The following FGGY variants were observed in gnomAD, a reference collection of about 807,000 sequenced individuals.
FGGY encodes FGGY carbohydrate kinase domain containing, also known as FGGY carbohydrate kinase domain-containing protein.
Under a neutral mutation model 71.3 loss-of-function variants are expected in FGGY, and 72 were observed. The ratio of observed to expected loss-of-function variants is 1.01; its 90% CI spans 0.84 to 1.23. The LOEUF (loss-of-function observed/expected upper bound fraction) is 1.23. Among genes scored for constraint, FGGY ranks in the 50% most tolerant of loss-of-function variants. The pLI, the probability that FGGY is intolerant of heterozygous loss-of-function variation, is 0.00. For missense variants in FGGY, 668 were observed against 682.3 expected (o/e 0.98, Z 0.23); for synonymous variants, 251 against 250.3 (o/e 1.00, Z -0.02).
At chr1:59,513,745 A>T (rs1209065908) in intron 7 of FGGY, among the ~76,000 whole-genome samples, 1 of 152,216 alleles carries the variant, frequency 6.6e-6, no homozygotes, top group Non-Finnish European at 1.5e-5. Context: ...TATTAAGTTT[A>T]TTAAATGAAT....
At chr1:59,517,756 G>T (rs2094704857) in intron 7 of FGGY, among the ~76,000 whole-genome samples, 2 of 151,472 alleles carry the variant, frequency 1.3e-5, no homozygotes, top group Non-Finnish European at 3.0e-5. Flanking sequence ...CCTGCAGAGT[G>T]CTTTACATAT....
chr1:59,689,069 T>C (rs1339398314), intron 14 of FGGY, among the ~76,000 whole-genome samples: 2 of 151,860 alleles, frequency 1.3e-5, no homozygotes, highest in African/African-American at 2.4e-5. Context: ...TTTTAAAAGG[T>C]TGGGGAGAAA....
At chr1:59,351,063 G>A (rs1050348473) in intron 4 of FGGY, among the ~76,000 whole-genome samples, 1 of 152,186 alleles carries the variant, frequency 6.6e-6, no homozygotes, top group Admixed American at 6.5e-5. Flanking sequence ...GAATCAAAAG[G>A]ATGATATTTT....
intron 5 of FGGY, among the ~76,000 whole-genome samples, chr1:59,434,549 T>TA (rs1557910674): frequency 1.3e-5 from 2 of 152,244 alleles, no homozygotes; most frequent in East Asian, 3.9e-4. Context: ...GGGCTGCTAT[T>TA]AAAAAATGCC....
At chr1:59,480,419 G>C (rs961605102) in intron 6 of FGGY, among the ~76,000 whole-genome samples, 1 of 152,140 alleles carries the variant, frequency 6.6e-6, no homozygotes. Flanking sequence ...CAAGGACAAA[G>C]GGCAAAAGTA....
Position 59,512,310 on chromosome 1 carries a change from G to T in FGGY, c.671-1G>T. On this transcript the variant is annotated splice_acceptor_variant, in intron 6 of 15. Coordinates refer to ENST00000303721, the MANE Select transcript of FGGY (RefSeq NM_018291.5). LOFTEE classifies it high-confidence loss of function. ...GTTTGTTTTTTCTCATGTCTACCCAGGAAACCAAGTGCTACCTCCTGGAGC... is the reference window on the plus strand; with the variant it reads ...GTTTGTTTTTTCTCATGTCTACCCATGAAACCAAGTGCTACCTCCTGGAGC... The T allele has an allele frequency of 6.2e-7, 1 of 1,605,226 alleles. No individual in the cohort carries two copies. Among genetic ancestry groups the T allele is most frequent in the South Asian group, 1.1e-5 (1 of 89,812 alleles).
At chr1:59,417,386 G>C (rs2064653666) in intron 5 of FGGY, among the ~76,000 whole-genome samples, 1 of 152,290 alleles carries the variant, frequency 6.6e-6, no homozygotes, top group South Asian at 2.1e-4. Flanking sequence ...TAATGCTGCT[G>C]TGAACACTGA....
chr1:59,727,007 C>T (rs759926372), intron 14 of FGGY, among the ~76,000 whole-genome samples: 10 of 152,062 alleles, frequency 6.6e-5, no homozygotes, highest in Admixed American at 2.0e-4. Context: ...GAGCATAGTA[C>T]ACAATAGGTA....
In FGGY at chr1:59,539,691, A is replaced by G. The variant is rs556127390; in HGVS notation, c.800-14433A>G. On this transcript the variant is annotated intron_variant, in intron 7 of 15. Coordinates refer to ENST00000303721, the MANE Select transcript of FGGY (RefSeq NM_018291.5). ...GGTCTTCATGACTTTGAGATAGACA[A>G]TTTTCCTAAATAGGACATTAATGTA... 6.6e-5 allele frequency among the ~76,000 whole-genome samples: 10 copies of G among 152,324 alleles called. No individual in the cohort carries two copies. In the South Asian group the frequency reaches 1.0e-3, roughly 16 times the overall value.
At chr1:59,615,139 G>GA (rs1334630336) in intron 9 of FGGY, among the ~76,000 whole-genome samples, 1 of 152,038 alleles carries the variant, frequency 6.6e-6, no homozygotes, top group Non-Finnish European at 1.5e-5. Context: ...CACAGAATTG[G>GA]AAAAAACTAC....
Position 59,454,727 on chromosome 1 carries a change from T to A in FGGY, c.555-2234T>A, listed in dbSNP as rs541077952. On this transcript the variant is annotated intron_variant, in intron 5 of 15. Coordinates refer to ENST00000303721, the MANE Select transcript of FGGY (RefSeq NM_018291.5). ...TTCCTTCAGAGTATTCATGGCTGTTTGTTAGTATATGATTTTAGTTGTGAT... is the reference window on the plus strand; with the variant it reads ...TTCCTTCAGAGTATTCATGGCTGTTAGTTAGTATATGATTTTAGTTGTGAT... Among the ~76,000 whole-genome samples the A allele has an allele frequency of 5.3e-5, 8 of 152,340 alleles. No individual in the cohort carries two copies. In the East Asian group the frequency reaches 1.3e-3, roughly 26 times the overall value.
intron 8 of FGGY, among the ~76,000 whole-genome samples, chr1:59,599,113 T>C (rs2153806478): frequency 6.6e-6 from 1 of 152,220 alleles, no homozygotes; most frequent in Non-Finnish European, 1.5e-5. Flanking sequence ...TGTTTGTTTG[T>C]TTGTTTTTGA....
Position 59,503,594 on chromosome 1 carries a change from C to CATATATATATAT in FGGY, c.671-8703_671-8692dup, listed in dbSNP as rs71046332. Among the ~76,000 whole-genome samples the CATATATATATAT allele has an allele frequency of 6.8e-3, 871 of 127,574 alleles. 10 individuals are homozygous for CATATATATATAT. Among genetic ancestry groups the CATATATATATAT allele is most frequent in the African/African-American group, 0.025 (794 of 31,854 alleles). 83.7% of individuals were successfully genotyped at this position (127,574 alleles called of 152,430 possible). On this transcript the variant is annotated intron_variant, in intron 6 of 15. Transcript: ENST00000303721. ...TACGCATTGGCTTTTGTGGTGTCGC[C>CATATATATATAT]ATATATATATATATATATATATATA... is the stretch of plus-strand genomic sequence containing the variant.
In FGGY at chr1:59,605,928, C is replaced by T. The variant is rs1001979085; in HGVS notation, c.904-1875C>T. ...CCCAGCCTCAAGACCTGCTGGAATACAACTTGTATGCCTAACTCCCTTTTC... is the reference window on the plus strand; with the variant it reads ...CCCAGCCTCAAGACCTGCTGGAATATAACTTGTATGCCTAACTCCCTTTTC... On this transcript the variant is annotated intron_variant, in intron 8 of 15. Transcript: ENST00000303721. Among the ~76,000 whole-genome samples the T allele has an allele frequency of 3.3e-5, 5 of 152,230 alleles. No homozygotes were observed. The East Asian group carries it at 9.7e-4, about 29-fold the overall frequency.
intron 4 of FGGY, among the ~76,000 whole-genome samples, chr1:59,362,575 C>G (rs1197139158): frequency 6.6e-6 from 1 of 152,188 alleles, no homozygotes; most frequent in Non-Finnish European, 1.5e-5. Flanking sequence ...TCTGCCTGCA[C>G]TTTTACTCAG....
At chr1:59,643,964 G>C (rs1034242652) in intron 11 of FGGY, among the ~76,000 whole-genome samples, 3 of 152,176 alleles carry the variant, frequency 2.0e-5, no homozygotes, top group Admixed American at 2.0e-4. Flanking sequence ...AACGCATGGA[G>C]GACTATTAAG....
At chr1:59,371,634 C>G (rs2057655723) in intron 4 of FGGY, among the ~76,000 whole-genome samples, 2 of 152,130 alleles carry the variant, frequency 1.3e-5, no homozygotes, top group South Asian at 4.1e-4. Flanking sequence ...CACACCTATT[C>G]CAAAATTGAC....
intron 5 of FGGY, among the ~76,000 whole-genome samples, chr1:59,387,288 A>G (rs577040925): frequency 1.3e-5 from 2 of 152,218 alleles, no homozygotes; most frequent in African/African-American, 2.4e-5. Flanking sequence ...TTTACTTAAT[A>G]TGTTGTATTT....
chr1:59,363,071 GAGA>G (rs2055907041), intron 4 of FGGY, among the ~76,000 whole-genome samples: 1 of 152,200 alleles, frequency 6.6e-6, no homozygotes, highest in African/African-American at 2.4e-5. Context: ...CACGTAATTT[GAGA>G]AGAACAAGGA....
Sources: gnomAD v4.1 joint callset for allele counts (sites outside exome capture counted in the v4.1 genomes callset) on GRCh38, gnomAD v4.1.1 for gene constraint, MANE v1.5 for transcripts, NCBI Gene and HGNC (gene_info 2026-07-23, HGNC 2026-07-21) for gene names.